The following NHSL2 variants were observed in gnomAD, a reference collection of about 807,000 sequenced individuals.
The protein encoded by NHSL2 is NHS-like protein 2.
NHSL2 carries 27 observed loss-of-function variants against 53.4 expected under a neutral mutation model. That is an observed-to-expected ratio of 0.51 (90% CI 0.37 to 0.70). The LOEUF is 0.70. NHSL2 is among the 30% of genes least tolerant of loss of function. The pLI is 0.00. For missense variants in NHSL2, 892 were observed against 980.1 expected (o/e 0.91, Z 1.20); for synonymous variants, 408 against 404.1 (o/e 1.01, Z -0.12).
chrX:71,928,041 G>T (rs1392536949), intron 1 of NHSL2, among the ~76,000 whole-genome samples: 1 of 112,780 alleles, frequency 8.9e-6, no homozygotes, highest in Non-Finnish European at 1.9e-5. Flanking sequence ...ATACTTCTAA[G>T]TGTTGAGCAC....
chrX:71,930,957 C>T (rs2041709886), intron 1 of NHSL2, among the ~76,000 whole-genome samples: 1 of 112,374 alleles, frequency 8.9e-6, no homozygotes. Flanking sequence ...CTACATCTAA[C>T]TTTTGAGGAA....
chrX:72,091,593 T>C (rs2041900519), intron 1 of NHSL2, among the ~76,000 whole-genome samples: 1 of 111,883 alleles, frequency 8.9e-6, no homozygotes, highest in Admixed American at 9.5e-5. Context: ...ATAAGCCTTT[T>C]AAATGTGTGC....
intron 1 of NHSL2, among the ~76,000 whole-genome samples, chrX:72,014,616 A>G (rs766322535): frequency 9.0e-6 from 1 of 111,647 alleles, no homozygotes; most frequent in South Asian, 3.7e-4. Context: ...TCTTTCTGTT[A>G]TTGATTTCCA....
intron 1 of NHSL2, among the ~76,000 whole-genome samples, chrX:71,945,878 T>G (rs991774026): frequency 8.9e-6 from 1 of 111,933 alleles, no homozygotes; most frequent in African/African-American, 3.3e-5. Flanking sequence ...TTGCCAAGTA[T>G]TACCCCCACA....
intron 1 of NHSL2, among the ~76,000 whole-genome samples, chrX:72,110,054 G>T (rs1040786390): frequency 9.0e-6 from 1 of 111,598 alleles, no homozygotes; most frequent in Non-Finnish European, 1.9e-5. Flanking sequence ...TCACCCCAAG[G>T]ATGCCGGGAA....
chrX:72,147,713 C>A lies in NHSL2; in HGVS notation c.*4139C>A. Reference sequence around the variant, plus strand: ...CTCCCTCTCCTCTTTCTGCTCCATTCTCCTAAACCTTGCTTCCCAGCACCA... The same window carrying A: ...CTCCCTCTCCTCTTTCTGCTCCATTATCCTAAACCTTGCTTCCCAGCACCA... On this transcript the variant is annotated 3_prime_UTR_variant, in exon 8 of 8. Transcript: ENST00000633930. 8.8e-6 allele frequency: 1 copy of A among 113,691 alleles called. No homozygotes were observed. 9.4% of individuals were successfully genotyped at this position (113,691 alleles called of 1,213,427 possible).
At chrX:71,925,344 T>C (rs944771563) in intron 1 of NHSL2, among the ~76,000 whole-genome samples, 2 of 111,133 alleles carry the variant, frequency 1.8e-5, no homozygotes, top group Non-Finnish European at 3.8e-5. Context: ...TTTCCCCCAC[T>C]GCCCTGGTAT....
intron 1 of NHSL2, among the ~76,000 whole-genome samples, chrX:72,048,204 T>C (rs1360410591): frequency 1.8e-5 from 2 of 110,719 alleles, no homozygotes; most frequent in Admixed American, 1.9e-4. Context: ...CCCCATAAGG[T>C]AGATACTATT....
At chrX:72,142,066 A>G (rs1396039825) in intron 6 of NHSL2, among the ~76,000 whole-genome samples, 166 bp from the exon 7 acceptor site, 2 of 112,338 alleles carry the variant, frequency 1.8e-5, no homozygotes, top group African/African-American at 6.5e-5. Flanking sequence ...GCAAATCATT[A>G]AGCTTCTGAA....
intron 1 of NHSL2, among the ~76,000 whole-genome samples, chrX:71,928,466 C>T (rs1271828607): frequency 1.8e-5 from 2 of 112,138 alleles, no homozygotes; most frequent in African/African-American, 6.5e-5. Flanking sequence ...TTCAAAGTGG[C>T]CAGTGACAGG....
intron 1 of NHSL2, among the ~76,000 whole-genome samples, chrX:72,052,247 C>T (rs960220130): frequency 8.9e-6 from 1 of 112,026 alleles, no homozygotes; most frequent in African/African-American, 3.2e-5. Context: ...TGGTTATCAT[C>T]CTCTGAGAAA....
At chrX:72,104,071 A>G (rs1279477795) in intron 1 of NHSL2, among the ~76,000 whole-genome samples, 1 of 112,907 alleles carries the variant, frequency 8.9e-6, no homozygotes. Flanking sequence ...TGTAATTGAA[A>G]GTTAGCTTTC....
At chrX:71,923,053 A>G (rs1207348956) in intron 1 of NHSL2, among the ~76,000 whole-genome samples, 4 of 112,062 alleles carry the variant, frequency 3.6e-5, no homozygotes, top group Admixed American at 2.8e-4. Context: ...CCTAATGCAC[A>G]TGGGGTGTGG....
chrX:72,090,076 GTTTTT>G (rs976869344), intron 1 of NHSL2, among the ~76,000 whole-genome samples: 1 of 110,636 alleles, frequency 9.0e-6, no homozygotes, highest in Non-Finnish European at 1.9e-5. Flanking sequence ...GTTTTGTTTT[GTTTTT>G]GAGACTGGGT....
At chrX:72,126,612 C>A (rs759150204) in intron 1 of NHSL2, among the ~76,000 whole-genome samples, 2 of 111,016 alleles carry the variant, frequency 1.8e-5, no homozygotes, top group East Asian at 5.6e-4. Context: ...GAAACTTGGG[C>A]AAATCCCAGA....
At chrX:72,089,463 G>A (rs2041878205) in intron 1 of NHSL2, among the ~76,000 whole-genome samples, 1 of 111,142 alleles carries the variant, frequency 9.0e-6, no homozygotes, top group Non-Finnish European at 1.9e-5. Flanking sequence ...GGAGGTGGCT[G>A]GGTCTATAGC....
At chrX:71,973,294 G>A (rs1365238708) in intron 1 of NHSL2, among the ~76,000 whole-genome samples, 2 of 112,501 alleles carry the variant, frequency 1.8e-5, no homozygotes, top group African/African-American at 6.5e-5. Context: ...GATCCCATGA[G>A]GTGTCTTCTT....
intron 4 of NHSL2, among the ~76,000 whole-genome samples, chrX:72,136,216 A>G (rs1287560481): frequency 9.0e-6 from 1 of 111,129 alleles, no homozygotes; most frequent in Non-Finnish European, 1.9e-5. Flanking sequence ...TGACCCAGCC[A>G]TTTCCCAGCA....
At chrX:72,000,522 G>A (rs150625291) in intron 1 of NHSL2, among the ~76,000 whole-genome samples, 3 of 112,266 alleles carry the variant, frequency 2.7e-5, no homozygotes, top group Non-Finnish European at 5.6e-5. Flanking sequence ...GAGGGCAGAC[G>A]TCTGAGATTG....
Sources: gnomAD v4.1 joint callset for allele counts (sites outside exome capture counted in the v4.1 genomes callset) on GRCh38, gnomAD v4.1.1 for gene constraint, MANE v1.5 for transcripts, NCBI Gene and HGNC (gene_info 2026-07-23, HGNC 2026-07-21) for gene names.